The following PPP3CB variants were observed in gnomAD, a reference collection of about 807,000 sequenced individuals.
PPP3CB encodes protein phosphatase 3 catalytic subunit beta.
A neutral mutation model predicts 66.4 loss-of-function variants in PPP3CB; 8 were observed. That is an observed-to-expected ratio of 0.12 (90% CI 0.07 to 0.22). The LOEUF is 0.22. Among genes scored for constraint, PPP3CB ranks in the 10% least tolerant of loss-of-function variants. The pLI, the probability that PPP3CB is intolerant of heterozygous loss-of-function variation, is 1.00. For synonymous variants in PPP3CB, 208 were observed against 221.2 expected (o/e 0.94, Z 0.53); for missense variants, 319 against 642.5 (o/e 0.50, Z 5.44).
intron 1 of PPP3CB, among the ~76,000 whole-genome samples, chr10:73,492,036 AAC>A (rs1320671802): frequency 6.6e-6 from 1 of 152,114 alleles, no homozygotes; most frequent in Non-Finnish European, 1.5e-5. Context: ...GCTACTAGAA[AAC>A]ACTTTAGCCA....
chr10:73,494,570 C>A (rs2057142352), intron 1 of PPP3CB, among the ~76,000 whole-genome samples: 1 of 151,762 alleles, frequency 6.6e-6, no homozygotes, highest in South Asian at 2.1e-4. Flanking sequence ...GCTGGGATTA[C>A]AGATGTGAGC....
At chr10:73,484,799 C>A (rs2056945441) in intron 1 of PPP3CB, among the ~76,000 whole-genome samples, 1 of 152,022 alleles carries the variant, frequency 6.6e-6, no homozygotes. Context: ...CGCCTGTAAT[C>A]CCAACACTTT....
chr10:73,442,877 G>A (rs547036402), intron 12 of PPP3CB, among the ~76,000 whole-genome samples: 1 of 151,946 alleles, frequency 6.6e-6, no homozygotes, highest in African/African-American at 2.4e-5. Flanking sequence ...ATTGTTTACA[G>A]GAAAAAAATT....
chr10:73,473,892 T>C (rs1347490875), intron 4 of PPP3CB, among the ~76,000 whole-genome samples: 2 of 152,168 alleles, frequency 1.3e-5, no homozygotes, highest in African/African-American at 2.4e-5. Flanking sequence ...CAATCATTAA[T>C]AGCATGATTG....
intron 9 of PPP3CB, among the ~76,000 whole-genome samples, chr10:73,457,489 A>C (rs1444033477): frequency 6.6e-6 from 1 of 152,064 alleles, no homozygotes; most frequent in Non-Finnish European, 1.5e-5. Flanking sequence ...CTGTAATCCC[A>C]GCATTTCAGG....
At chr10:73,459,734 T>C (rs2056490159) in intron 9 of PPP3CB, among the ~76,000 whole-genome samples, 1 of 152,192 alleles carries the variant, frequency 6.6e-6, no homozygotes, top group Admixed American at 6.5e-5. Flanking sequence ...ATTCCATTTA[T>C]ATGAACTGTC....
intron 1 of PPP3CB, among the ~76,000 whole-genome samples, chr10:73,486,455 A>G (rs1286073207): frequency 6.6e-6 from 1 of 151,400 alleles, no homozygotes; most frequent in African/African-American, 2.4e-5. Flanking sequence ...ACAGGCATGC[A>G]CCACCACGCC....
At chr10:73,492,081 C>T (rs2057088572) in intron 1 of PPP3CB, among the ~76,000 whole-genome samples, 1 of 152,078 alleles carries the variant, frequency 6.6e-6, no homozygotes, top group South Asian at 2.1e-4. Context: ...GGGCAACTGG[C>T]AACAGAATCC....
At chr10:73,441,087 T>A (rs1477427443) in intron 12 of PPP3CB, among the ~76,000 whole-genome samples, 1 of 152,148 alleles carries the variant, frequency 6.6e-6, no homozygotes, top group Non-Finnish European at 1.5e-5. Flanking sequence ...CCAATTAGAA[T>A]AATTATTCCT....
intron 5 of PPP3CB, 87 bp downstream of exon 5, chr10:73,471,381 G>A: frequency 4.2e-6 from 6 of 1,415,894 alleles, no homozygotes; most frequent in Non-Finnish European, 5.7e-6. Context: ...ACCTAATCTT[G>A]GCAGTGAAGT....
intron 1 of PPP3CB, 126 bp from the exon 2 acceptor site, chr10:73,479,643 G>C (rs1472908687): frequency 3.4e-6 from 3 of 874,584 alleles, no homozygotes; most frequent in African/African-American, 3.4e-5. Flanking sequence ...TCATTTATTG[G>C]GTAGAAGTGT....
At chr10:73,455,638 G>C (rs1446896474) in intron 9 of PPP3CB, among the ~76,000 whole-genome samples, 1 of 152,016 alleles carries the variant, frequency 6.6e-6, no homozygotes, top group Non-Finnish European at 1.5e-5. Flanking sequence ...GCGCGATCTC[G>C]GCTCACTGCA....
chr10:73,445,422 T>G (rs2056231053), intron 11 of PPP3CB, among the ~76,000 whole-genome samples: 1 of 152,208 alleles, frequency 6.6e-6, no homozygotes, highest in African/African-American at 2.4e-5. Flanking sequence ...GGACTTGTGT[T>G]CCCATCTTCA....
chr10:73,446,428 C>T, intron 11 of PPP3CB, 64 bp downstream of exon 11: 1 of 1,497,984 alleles, frequency 6.7e-7, no homozygotes, highest in Non-Finnish European at 9.3e-7. Flanking sequence ...CGGGACAATG[C>T]TTGTAACAAG....
At chr10:73,495,397 C>T (rs1028292006) in intron 1 of PPP3CB, 15 of 156,778 alleles carry the variant, frequency 9.6e-5, no homozygotes, top group Non-Finnish European at 2.0e-4. Flanking sequence ...TCTGACTGCT[C>T]ACTGGCGGGC....
rs533147876 is a variant in PPP3CB at position 73,476,322 on chromosome 10, A to T, written c.412-1292T>A. ...CTTTTATAACAACAAAATGTATTAAAGGAGTCAGCTACATCCAGGCGCAGT... is the reference window on the plus strand; with the variant it reads ...CTTTTATAACAACAAAATGTATTAATGGAGTCAGCTACATCCAGGCGCAGT... On this transcript the variant is annotated intron_variant, in intron 3 of 13. Transcript: ENST00000360663. Among the ~76,000 whole-genome samples, 24 of 152,340 alleles carry T rather than the reference A, an allele frequency of 1.6e-4. No homozygotes were observed. In the South Asian group the frequency reaches 5.0e-3, roughly 32 times the overall value.
chr10:73,445,420 G>C (rs1407821300), intron 11 of PPP3CB, among the ~76,000 whole-genome samples: 1 of 152,198 alleles, frequency 6.6e-6, no homozygotes, highest in Non-Finnish European at 1.5e-5. Context: ...AGGGACTTGT[G>C]TTCCCATCTT....
chr10:73,485,910 G>T (rs555468515), intron 1 of PPP3CB, among the ~76,000 whole-genome samples: 2 of 67,140 alleles, frequency 3.0e-5, no homozygotes, highest in Non-Finnish European at 5.4e-5. Flanking sequence ...CTGGCTAATT[G>T]TGTGTGTGTG....
intron 10 of PPP3CB, chr10:73,448,793 G>A (rs942303872): frequency 5.8e-6 from 3 of 519,980 alleles, no homozygotes; most frequent in Non-Finnish European, 1.2e-5. Context: ...ACTGAAGAAT[G>A]AATGTAGAAA....
Sources: allele counts gnomAD v4.1 joint callset (sites outside exome capture counted in the v4.1 genomes callset), GRCh38; gene constraint gnomAD v4.1.1; transcripts MANE v1.5; gene names NCBI Gene and HGNC (gene_info 2026-07-23, HGNC 2026-07-21).